CAST: variants seen among roughly 807,000 people sequenced by gnomAD.
CAST encodes the protein MIR583 host.
CAST carries 76 observed loss-of-function variants against 119.6 expected under a neutral mutation model. That is an observed-to-expected ratio of 0.64 (90% CI 0.53 to 0.77). The LOEUF is 0.77. Among genes scored for constraint, CAST ranks in the 30% least tolerant of loss-of-function variants. The pLI is 0.00. For missense variants in CAST, 953 were observed against 946.5 expected (o/e 1.01, Z -0.09); for synonymous variants, 319 against 331.6 (o/e 0.96, Z 0.41).
In CAST at chr5:96,754,129, G is replaced by C. The variant is rs773300671; in HGVS notation, c.1594G>C (p.Glu532Gln). 47 of 1,613,102 alleles carry C rather than the reference G, an allele frequency of 2.9e-5. No individual in the cohort carries two copies. In the African/African-American group the frequency reaches 6.1e-4, roughly 21 times the overall value. The change falls in exon 21 of 32, where the codon GAA becomes CAA. Residue 532 changes from glutamate to glutamine, a missense_variant. Transcript: ENST00000675179. ...CCTGGGGAAAAAGGAAGCAGATCCA[G>C]AAGATGGAAAACCTGTGATGGATAA... ...DSLGKKEADP[E>Q]DGKPVMDKVK... is the part of the protein sequence containing the mutation.
At chr5:96,050,402 C>T in the CAST span, among the ~76,000 whole-genome samples, 26 of 151,270 alleles carry the variant, frequency 1.7e-4, no homozygotes, top group African/African-American at 6.3e-4. Flanking sequence ...TTTGCTAGCA[C>T]AGGTGAAGGA....
the CAST span, among the ~76,000 whole-genome samples, chr5:96,514,803 G>A: frequency 2.0e-5 from 3 of 152,174 alleles, no homozygotes; most frequent in African/African-American, 7.2e-5. Context: ...CCAGGCTGGA[G>A]TGCAGTGGCA....
the CAST span, among the ~76,000 whole-genome samples, chr5:96,000,108 C>CT: frequency 6.6e-6 from 1 of 151,912 alleles, no homozygotes; most frequent in Non-Finnish European, 1.5e-5. Context: ...GGTCATTTGT[C>CT]TTTTTTTAAA....
chr5:96,532,326 C>A (rs1745704370), intron 1 of CAST, among the ~76,000 whole-genome samples: 3 of 152,184 alleles, frequency 2.0e-5, no homozygotes, highest in Admixed American at 2.0e-4. Context: ...AGATGTTGCA[C>A]ATCTTGTTGA....
At chr5:96,686,745 G>A (rs1426112869) in intron 2 of CAST, among the ~76,000 whole-genome samples, 1 of 152,136 alleles carries the variant, frequency 6.6e-6, no homozygotes, top group African/African-American at 2.4e-5. Flanking sequence ...AATGAAGTCA[G>A]TGTTTACTTA....
intron 20 of CAST, among the ~76,000 whole-genome samples, chr5:96,751,296 A>C (rs1764998416): frequency 6.6e-6 from 1 of 152,218 alleles, no homozygotes; most frequent in Non-Finnish European, 1.5e-5. Context: ...TCATTACTAC[A>C]GAATTAGCAC....
chr5:96,283,420 A>T, the CAST span, among the ~76,000 whole-genome samples: 1 of 152,158 alleles, frequency 6.6e-6, no homozygotes, highest in Non-Finnish European at 1.5e-5. Context: ...TTTCACAGAT[A>T]TTTTGGTCAT....
the CAST span, among the ~76,000 whole-genome samples, chr5:96,510,465 G>A: frequency 2.0e-5 from 3 of 152,204 alleles, no homozygotes; most frequent in Non-Finnish European, 4.4e-5. Context: ...AAGCTCTGGT[G>A]AGCAAAATAG....
At chr5:96,653,354 A>G (rs894900368) in intron 1 of CAST, among the ~76,000 whole-genome samples, 4 of 152,236 alleles carry the variant, frequency 2.6e-5, no homozygotes, top group African/African-American at 9.6e-5. Flanking sequence ...TCATCTAGAG[A>G]GTTCTGGGAG....
the CAST span, among the ~76,000 whole-genome samples, chr5:96,077,397 T>C: frequency 1.3e-5 from 2 of 152,244 alleles, no homozygotes; most frequent in African/African-American, 4.8e-5. Context: ...TTTATTTGCT[T>C]TAATTTGCAT....
the CAST span, among the ~76,000 whole-genome samples, chr5:96,323,521 T>G: frequency 6.6e-6 from 1 of 152,204 alleles, no homozygotes; most frequent in South Asian, 2.1e-4. Flanking sequence ...TTGCTTTATT[T>G]TTCATTGCTA....
the CAST span, among the ~76,000 whole-genome samples, chr5:96,326,695 A>ATTTTC: frequency 1.0e-5 from 1 of 95,734 alleles, no homozygotes; most frequent in Non-Finnish European, 2.0e-5. Context: ...ATGGCTTTTC[A>ATTTTC]TTTTTTTTTT....
At chr5:95,967,231 A>G in the CAST span, among the ~76,000 whole-genome samples, 1 of 152,056 alleles carries the variant, frequency 6.6e-6, no homozygotes, top group African/African-American at 2.4e-5. Flanking sequence ...CTCAAGAATG[A>G]TTTTGATAAT....
chr5:96,450,882 T>A, the CAST span, among the ~76,000 whole-genome samples: 3 of 152,218 alleles, frequency 2.0e-5, no homozygotes, highest in African/African-American at 7.2e-5. Context: ...GGAAGCTCAT[T>A]TTTATTTCTG....
At chr5:96,290,192 C>T in the CAST span, among the ~76,000 whole-genome samples, 3 of 152,160 alleles carry the variant, frequency 2.0e-5, no homozygotes, top group Non-Finnish European at 4.4e-5. Flanking sequence ...TTAAGCTTCA[C>T]CCATCTTTCC....
the CAST span, among the ~76,000 whole-genome samples, chr5:96,467,849 A>G: frequency 2.9e-4 from 44 of 152,264 alleles, no homozygotes; most frequent in South Asian, 7.9e-3. Flanking sequence ...AACTAAAAGT[A>G]GATCTACTGT....
intron 1 of CAST, among the ~76,000 whole-genome samples, chr5:96,548,014 G>C (rs1580819118): frequency 6.6e-6 from 1 of 152,180 alleles, no homozygotes; most frequent in Non-Finnish European, 1.5e-5. Flanking sequence ...CTTGAGCTAA[G>C]ACTCCGTCTA....
the CAST span, among the ~76,000 whole-genome samples, chr5:96,269,069 C>A: frequency 6.6e-6 from 1 of 152,122 alleles, no homozygotes; most frequent in Non-Finnish European, 1.5e-5. Context: ...TTCCTGAGGC[C>A]CCTCTAGCCA....
chr5:96,613,158 A>G (rs1472509641), intron 1 of CAST, among the ~76,000 whole-genome samples: 1 of 152,192 alleles, frequency 6.6e-6, no homozygotes, highest in Non-Finnish European at 1.5e-5. Flanking sequence ...CTTCTCTTTC[A>G]GAATTTTCTA....
Sources: gnomAD v4.1 joint callset for allele counts (sites outside exome capture counted in the v4.1 genomes callset) on GRCh38, gnomAD v4.1.1 for gene constraint, MANE v1.5 for transcripts, NCBI Gene and HGNC (gene_info 2026-07-23, HGNC 2026-07-21) for gene names.